The following INSL6 variants were observed in gnomAD, a reference collection of about 807,000 sequenced individuals.
The protein encoded by INSL6 is insulin like 6.
In INSL6, 16 loss-of-function variants were observed where a neutral mutation model predicts 9.4. The ratio of observed to expected loss-of-function variants is 1.70; its 90% CI spans 1.15 to 2.59. The LOEUF (loss-of-function observed/expected upper bound fraction) is 2.59, where lower values mean the gene tolerates loss of function less well. Among genes scored for constraint, INSL6 ranks in the 30% most tolerant of loss-of-function variants. INSL6 has a pLI of 0.00. For missense variants in INSL6, 391 were observed against 257.3 expected (o/e 1.52, Z -3.56); for synonymous variants, 154 against 96.9 (o/e 1.59, Z -3.46).
intron 1 of INSL6, among the ~76,000 whole-genome samples, chr9:5,166,601 C>T (rs1251665884): frequency 6.6e-6 from 1 of 151,960 alleles, no homozygotes; most frequent in African/African-American, 2.4e-5. Flanking sequence ...TACAAGATGC[C>T]TTAACTGGTA....
the INSL6 span, among the ~76,000 whole-genome samples, chr9:5,096,122 T>C: frequency 6.6e-6 from 1 of 152,066 alleles, no homozygotes; most frequent in African/African-American, 2.4e-5. Context: ...ATTTACTCCA[T>C]CTCAATGACA....
chr9:5,053,863 G>A, the INSL6 span, among the ~76,000 whole-genome samples: 4,042 of 152,094 alleles, frequency 0.027, 214 homozygotes, highest in African/African-American at 0.093. Flanking sequence ...TGAGTAACTA[G>A]ATAGGAGATG....
the INSL6 span, among the ~76,000 whole-genome samples, chr9:5,006,688 C>T: frequency 1.3e-5 from 2 of 152,140 alleles, no homozygotes; most frequent in South Asian, 4.1e-4. Context: ...AGATCTCATG[C>T]AAACTCACTC....
intron 1 of INSL6, among the ~76,000 whole-genome samples, chr9:5,179,805 G>C (rs188060922): frequency 1.3e-5 from 2 of 152,308 alleles, no homozygotes; most frequent in Non-Finnish European, 1.5e-5. Context: ...AGAACACATG[G>C]ACACATGCAG....
chr9:5,090,216 G>T, the INSL6 span, among the ~76,000 whole-genome samples: 1 of 152,188 alleles, frequency 6.6e-6, no homozygotes, highest in African/African-American at 2.4e-5. Context: ...TGGTTTGCCT[G>T]AAGAGTTATA....
chr9:5,094,012 G>C, the INSL6 span: 2 of 152,114 alleles, frequency 1.3e-5, no homozygotes, highest in African/African-American at 4.8e-5. Flanking sequence ...ACACACCCAA[G>C]AACAGGGTTT....
chr9:5,029,822 G>A, the INSL6 span: 1 of 1,611,374 alleles, frequency 6.2e-7, no homozygotes, highest in Non-Finnish European at 8.5e-7. Context: ...GCTTTAATGA[G>A]TGAAACAGAA....
At chr9:5,024,962 C>T in the INSL6 span, among the ~76,000 whole-genome samples, 4 of 152,082 alleles carry the variant, frequency 2.6e-5, no homozygotes, top group South Asian at 2.1e-4. Context: ...GGAGTGGAGC[C>T]GGGGCTGGTG....
intron 2 of INSL6, among the ~76,000 whole-genome samples, chr9:5,155,413 C>G (rs1447593512): frequency 6.7e-6 from 1 of 149,328 alleles, no homozygotes; most frequent in Non-Finnish European, 1.5e-5. Flanking sequence ...CAACATGGCA[C>G]ATGTATACAT....
exon 4 of INSL6, among the ~76,000 whole-genome samples, chr9:5,123,931 T>C (rs914706842): frequency 2.0e-5 from 3 of 151,730 alleles, no homozygotes; most frequent in Admixed American, 6.6e-5. Context: ...GCATATCTCA[T>C]TGTGATTTTA....
the INSL6 span, chr9:5,072,722 T>C: frequency 7.9e-5 from 74 of 941,266 alleles, no homozygotes; most frequent in Middle Eastern, 1.1e-3. Context: ...CTTTTCAAAA[T>C]TGTAATTTTT....
chr9:5,176,581 C>A (rs970611291), intron 1 of INSL6, among the ~76,000 whole-genome samples: 1 of 151,696 alleles, frequency 6.6e-6, no homozygotes, highest in Non-Finnish European at 1.5e-5. Flanking sequence ...GCCCTATTTA[C>A]GATGATTAAA....
At chr9:4,998,750 A>C in the INSL6 span, among the ~76,000 whole-genome samples, 3 of 152,016 alleles carry the variant, frequency 2.0e-5, no homozygotes, top group African/African-American at 7.2e-5. Flanking sequence ...ACAAAAAAAA[A>C]AACAACAAAA....
the INSL6 span, among the ~76,000 whole-genome samples, chr9:5,018,105 TTGA>T: frequency 6.6e-6 from 1 of 152,228 alleles, no homozygotes; most frequent in South Asian, 2.1e-4. Flanking sequence ...AAGTTTATTC[TTGA>T]TATGTGAAGG....
intron 1 of INSL6, among the ~76,000 whole-genome samples, chr9:5,173,843 A>G (rs1052067020): frequency 1.3e-5 from 2 of 152,172 alleles, no homozygotes; most frequent in East Asian, 1.9e-4. Flanking sequence ...CACAAAACCT[A>G]TCAACTTAGT....
At chr9:5,116,902 G>T in the INSL6 span, among the ~76,000 whole-genome samples, 2 of 152,296 alleles carry the variant, frequency 1.3e-5, no homozygotes, top group East Asian at 3.9e-4. Context: ...TTAAGGTACT[G>T]GGAAAACATA....
the INSL6 span, among the ~76,000 whole-genome samples, chr9:5,002,820 A>G: frequency 3.3e-5 from 5 of 152,074 alleles, no homozygotes; most frequent in East Asian, 9.6e-4. Context: ...AAGAAGAGTA[A>G]TTTATAAATC....
At chr9:5,078,265 G>A in the INSL6 span, 1 of 1,564,454 alleles carries the variant, frequency 6.4e-7, no homozygotes, top group Non-Finnish European at 8.7e-7. Context: ...TCCAGTACTT[G>A]TGGACTGATA....
chr9:5,046,783 T>G, the INSL6 span, among the ~76,000 whole-genome samples: 1 of 128,338 alleles, frequency 7.8e-6, no homozygotes, highest in South Asian at 2.2e-4. Context: ...CTTCTAAGAA[T>G]AGCCTTTTGA....
Sources: allele counts gnomAD v4.1 joint callset (sites outside exome capture counted in the v4.1 genomes callset), GRCh38; gene constraint gnomAD v4.1.1; transcripts MANE v1.5; gene names NCBI Gene and HGNC (gene_info 2026-07-23, HGNC 2026-07-21).